Variants in SGCD observed in about 807,000 individuals in gnomAD.
The protein encoded by SGCD is sarcoglycan delta.
A neutral mutation model predicts 36.6 loss-of-function variants in SGCD; 18 were observed. That is an observed-to-expected ratio of 0.49 (90% CI 0.34 to 0.73). The LOEUF (loss-of-function observed/expected upper bound fraction) is 0.73. Ranked by LOEUF, SGCD falls within the 30% of genes least tolerant of loss-of-function variation. The probability of loss-of-function intolerance (pLI) is 0.01; values close to 1 mark genes in which losing one functional copy is unlikely to be tolerated. For synonymous variants in SGCD, 133 were observed against 130.6 expected (o/e 1.02, Z -0.12); for missense variants, 387 against 346.7 (o/e 1.12, Z -0.92).
intron 1 of SGCD, among the ~76,000 whole-genome samples, chr5:155,922,086 C>G (rs1319254874): frequency 6.6e-6 from 1 of 152,192 alleles, no homozygotes; most frequent in Non-Finnish European, 1.5e-5. Context: ...CTCAAAATCA[C>G]TATTTTTAGC....
intron 3 of SGCD, among the ~76,000 whole-genome samples, chr5:156,185,354 A>T (rs1473955091): frequency 6.6e-6 from 1 of 151,360 alleles, no homozygotes; most frequent in East Asian, 2.0e-4. Context: ...AGCTGGGACT[A>T]CAGGCGCCCG....
chr5:156,640,938 G>A (rs1043847223), intron 6 of SGCD, among the ~76,000 whole-genome samples: 1 of 152,156 alleles, frequency 6.6e-6, no homozygotes, highest in Non-Finnish European at 1.5e-5. Flanking sequence ...TTACTTTCTA[G>A]CATCTGTGTA....
chr5:155,827,177 A>G, the SGCD span, among the ~76,000 whole-genome samples: 1 of 152,212 alleles, frequency 6.6e-6, no homozygotes, highest in Non-Finnish European at 1.5e-5. Flanking sequence ...AGAGCCAGAA[A>G]TACCTAACGG....
At chr5:156,391,962 T>C (rs1771595088) in intron 3 of SGCD, among the ~76,000 whole-genome samples, 1 of 152,248 alleles carries the variant, frequency 6.6e-6, no homozygotes, top group African/African-American at 2.4e-5. Flanking sequence ...TAGAGCTTTG[T>C]ATAAACCATT....
At chr5:156,634,962 G>T (rs912489533) in intron 6 of SGCD, among the ~76,000 whole-genome samples, 1 of 152,144 alleles carries the variant, frequency 6.6e-6, no homozygotes, top group Non-Finnish European at 1.5e-5. Context: ...AGTGGCTCAT[G>T]CTTGTAATCC....
chr5:156,745,087 G>A (rs1756882064), intron 7 of SGCD, among the ~76,000 whole-genome samples: 1 of 152,116 alleles, frequency 6.6e-6, no homozygotes, highest in African/African-American at 2.4e-5. Context: ...CTGGGTTATG[G>A]GAACAAAACA....
At chr5:156,274,986 G>A (rs1192685371) in intron 3 of SGCD, among the ~76,000 whole-genome samples, 1 of 152,200 alleles carries the variant, frequency 6.6e-6, no homozygotes, top group East Asian at 1.9e-4. Flanking sequence ...TAAAATGTCA[G>A]TGGACACAGG....
At chr5:156,548,271 G>C (rs992906756) in intron 4 of SGCD, among the ~76,000 whole-genome samples, 31 of 152,190 alleles carry the variant, frequency 2.0e-4, no homozygotes, top group African/African-American at 7.5e-4. Flanking sequence ...GAAGTCGAAT[G>C]TCCCCTTACC....
chr5:156,463,405 T>C (rs540428581), intron 3 of SGCD, among the ~76,000 whole-genome samples: 4 of 152,128 alleles, frequency 2.6e-5, no homozygotes, highest in Non-Finnish European at 5.9e-5. Context: ...AGAGCAGACG[T>C]ATAGTCTTGG....
intron 1 of SGCD, among the ~76,000 whole-genome samples, chr5:155,874,181 T>G (rs1755717147): frequency 6.6e-6 from 1 of 152,072 alleles, no homozygotes. Context: ...AAAATGAAGA[T>G]CACCTTCTGG....
intron 3 of SGCD, among the ~76,000 whole-genome samples, chr5:156,377,025 A>G (rs1770707638): frequency 6.6e-6 from 1 of 152,156 alleles, no homozygotes; most frequent in Non-Finnish European, 1.5e-5. Flanking sequence ...GTTTTTCATA[A>G]GATATAAATA....
At chr5:156,043,994 A>AG (rs536226123) in intron 1 of SGCD, among the ~76,000 whole-genome samples, 64 of 152,208 alleles carry the variant, frequency 4.2e-4, no homozygotes, top group African/African-American at 1.4e-3. Flanking sequence ...ACAATCTTCT[A>AG]GGGGGAGAAT....
At chr5:156,231,793 G>T (rs77435577) in intron 3 of SGCD, among the ~76,000 whole-genome samples, 1 of 152,138 alleles carries the variant, frequency 6.6e-6, no homozygotes, top group Non-Finnish European at 1.5e-5. Flanking sequence ...TAGGACTCAT[G>T]TATAACATAG....
At chr5:155,837,319 G>C in the SGCD span, among the ~76,000 whole-genome samples, 1 of 151,888 alleles carries the variant, frequency 6.6e-6, no homozygotes, top group Non-Finnish European at 1.5e-5. Context: ...CACCACGCCT[G>C]GCTAATTTTT....
chr5:156,537,080 A>T (rs147101214), intron 4 of SGCD, among the ~76,000 whole-genome samples: 12 of 152,294 alleles, frequency 7.9e-5, no homozygotes, highest in South Asian at 6.2e-4. Flanking sequence ...CTGAAACTGC[A>T]AAACATCTAC....
the SGCD span, among the ~76,000 whole-genome samples, chr5:155,734,883 A>G: frequency 2.0e-5 from 3 of 152,306 alleles, no homozygotes; most frequent in African/African-American, 7.2e-5. Context: ...TGAGTCCTCA[A>G]AGACTGTGTT....
intron 6 of SGCD, among the ~76,000 whole-genome samples, chr5:156,608,007 T>C (rs1761564766): frequency 6.6e-6 from 1 of 152,228 alleles, no homozygotes; most frequent in Non-Finnish European, 1.5e-5. Flanking sequence ...CCTGGATTCA[T>C]TGAGCTTTTG....
At chr5:155,790,017 A>G in the SGCD span, among the ~76,000 whole-genome samples, 1 of 152,110 alleles carries the variant, frequency 6.6e-6, no homozygotes, top group East Asian at 1.9e-4. Context: ...TCAGAGAGCA[A>G]TAAGGATCAA....
chr5:156,565,150 T>A (rs61318634), intron 4 of SGCD, among the ~76,000 whole-genome samples: 5,674 of 152,334 alleles, frequency 0.037, 337 homozygotes, highest in African/African-American at 0.13. Context: ...CATTTCTCCC[T>A]GTACATTATC....
Sources: allele counts gnomAD v4.1 joint callset (sites outside exome capture counted in the v4.1 genomes callset), GRCh38; gene constraint gnomAD v4.1.1; transcripts MANE v1.5; gene names NCBI Gene and HGNC (gene_info 2026-07-23, HGNC 2026-07-21).